SH3RF3: variants seen among roughly 807,000 people sequenced by gnomAD.
SH3RF3 encodes E3 ubiquitin-protein ligase SH3RF3.
SH3RF3 carries 29 observed loss-of-function variants against 66.3 expected under a neutral mutation model. That is an observed-to-expected ratio of 0.44 (90% CI 0.33 to 0.60). SH3RF3 has a LOEUF of 0.60. Ranked by LOEUF, SH3RF3 falls within the 20% of genes least tolerant of loss-of-function variation. SH3RF3 has a pLI of 0.04. For missense variants in SH3RF3, 1,194 were observed against 1,190.9 expected (o/e 1.00, Z -0.04); for synonymous variants, 583 against 532.0 (o/e 1.10, Z -1.32).
intron 1 of SH3RF3, among the ~76,000 whole-genome samples, chr2:109,166,043 C>T (rs17020547): frequency 6.6e-6 from 1 of 152,106 alleles, no homozygotes; most frequent in East Asian, 1.9e-4. Flanking sequence ...AGATACATAC[C>T]TTGGTGAGCC....
intron 3 of SH3RF3, among the ~76,000 whole-genome samples, chr2:109,380,750 C>A (rs142168701): frequency 1.3e-5 from 2 of 152,280 alleles, no homozygotes; most frequent in African/African-American, 4.8e-5. Context: ...TCTCACCCTG[C>A]CCACCTTAGC....
rs10646553 is a variant in SH3RF3, at chr2:109,249,519, T to TTCTTTCTTTCTTTCTTTCTTTC, written c.574-98154_574-98153insCTTTCTTTCTTTCTTTCTTTCT. ...TTTCTTTCTTTCTTTCATTCTTTCT[T>TTCTTTCTTTCTTTCTTTCTTTC]TTTCTTTCTTTCTTTCCTTCCTTCC... On this transcript the variant is annotated intron_variant, in intron 1 of 9. Transcript: ENST00000309415. 1.6e-4 allele frequency among the ~76,000 whole-genome samples: 10 copies of TTCTTTCTTTCTTTCTTTCTTTC among 61,936 alleles called. 1 individual carries two copies. Among genetic ancestry groups the TTCTTTCTTTCTTTCTTTCTTTC allele is most frequent in the East Asian group, 1.4e-3 (3 of 2,198 alleles). 40.6% of individuals were successfully genotyped at this position (61,936 alleles called of 152,430 possible).
chr2:109,433,873 T>A (rs1363739047), intron 6 of SH3RF3, among the ~76,000 whole-genome samples: 3 of 152,190 alleles, frequency 2.0e-5, no homozygotes, highest in African/African-American at 7.2e-5. Flanking sequence ...CAGAGGGGCT[T>A]CAGGAAATGC....
chr2:109,130,434 G>A (rs774966289), intron 1 of SH3RF3, among the ~76,000 whole-genome samples: 6 of 152,174 alleles, frequency 3.9e-5, no homozygotes, highest in Non-Finnish European at 8.8e-5. Context: ...CTAGAAACGG[G>A]GACCTTCTTC....
At chr2:109,428,282 T>C (rs1156607295) in intron 5 of SH3RF3, among the ~76,000 whole-genome samples, 1 of 152,276 alleles carries the variant, frequency 6.6e-6, no homozygotes, top group Non-Finnish European at 1.5e-5. Context: ...GCGAAGGCAC[T>C]AAAATACTTT....
chr2:109,313,161 T>A (rs1307900391), intron 1 of SH3RF3, among the ~76,000 whole-genome samples: 1 of 152,214 alleles, frequency 6.6e-6, no homozygotes, highest in Non-Finnish European at 1.5e-5. Context: ...GTGCATGGGC[T>A]GAGCTGGGAA....
At chr2:109,161,547 T>C (rs1677490501) in intron 1 of SH3RF3, among the ~76,000 whole-genome samples, 1 of 152,002 alleles carries the variant, frequency 6.6e-6, no homozygotes, top group Admixed American at 6.6e-5. Context: ...GTCTAGCACC[T>C]ACCTAAGTCT....
chr2:109,194,585 G>C (rs540278825), intron 1 of SH3RF3, among the ~76,000 whole-genome samples: 5 of 152,320 alleles, frequency 3.3e-5, no homozygotes, highest in South Asian at 2.1e-4. Context: ...CGGGCGGGCT[G>C]GGTAGGGAGG....
intron 1 of SH3RF3, among the ~76,000 whole-genome samples, chr2:109,311,888 T>TA (rs1178234837): frequency 6.6e-6 from 1 of 152,210 alleles, no homozygotes; most frequent in Non-Finnish European, 1.5e-5. Flanking sequence ...CTCGTTTTCT[T>TA]ACATCCACAT....
chr2:109,344,125 C>G (rs1207504315), intron 1 of SH3RF3, among the ~76,000 whole-genome samples: 1 of 152,208 alleles, frequency 6.6e-6, no homozygotes, highest in African/African-American at 2.4e-5. Context: ...TTTGAATTAA[C>G]AGCATATAGA....
intron 1 of SH3RF3, among the ~76,000 whole-genome samples, chr2:109,309,803 G>T (rs11123738): frequency 0.36 from 39,187 of 109,390 alleles, 11,448 homozygotes; most frequent in East Asian, 0.87. Context: ...ATCCTAAATA[G>T]ATATGCACCC....
chr2:109,432,727 T>C, intron 6 of SH3RF3, 56 bp downstream of exon 6: 1 of 1,559,110 alleles, frequency 6.4e-7, no homozygotes, highest in South Asian at 1.2e-5. Context: ...CTGCACGCCT[T>C]ACCGCTGTTG....
At chr2:109,464,326 A>G (rs1347779315) in intron 8 of SH3RF3, among the ~76,000 whole-genome samples, 1 of 152,250 alleles carries the variant, frequency 6.6e-6, no homozygotes, top group East Asian at 1.9e-4. Flanking sequence ...CTCACGTACA[A>G]TGTGAACACA....
At chr2:109,251,689 A>C (rs958253475) in intron 1 of SH3RF3, 17 of 1,057,738 alleles carry the variant, frequency 1.6e-5, no homozygotes, top group Middle Eastern at 6.1e-4. Flanking sequence ...TCCTCTCTTC[A>C]TAGGTTCTAT....
intron 5 of SH3RF3, among the ~76,000 whole-genome samples, chr2:109,423,299 T>C (rs540259304): frequency 6.6e-6 from 1 of 152,250 alleles, no homozygotes; most frequent in South Asian, 2.1e-4. Context: ...GATCTGGTGG[T>C]TGACACTGGT....
intron 8 of SH3RF3, among the ~76,000 whole-genome samples, chr2:109,486,007 G>A (rs1179365573): frequency 6.6e-6 from 1 of 152,244 alleles, no homozygotes; most frequent in Non-Finnish European, 1.5e-5. Context: ...GAATCAGTGT[G>A]TGCGCTCCAG....
intron 5 of SH3RF3, among the ~76,000 whole-genome samples, chr2:109,429,659 C>T (rs549736565): frequency 6.6e-6 from 1 of 152,260 alleles, no homozygotes; most frequent in African/African-American, 2.4e-5. Context: ...CCCCAGGCCG[C>T]GCTGACAGCT....
chr2:109,379,702 G>A (rs1259617228), intron 3 of SH3RF3, among the ~76,000 whole-genome samples: 2 of 152,144 alleles, frequency 1.3e-5, no homozygotes, highest in African/African-American at 4.8e-5. Context: ...CCTTAGTGTG[G>A]ATGCCAATCC....
At chr2:109,433,064 A>G (rs1044558849) in intron 6 of SH3RF3, among the ~76,000 whole-genome samples, 1 of 152,134 alleles carries the variant, frequency 6.6e-6, no homozygotes, top group Non-Finnish European at 1.5e-5. Context: ...GCTTGTGTGC[A>G]TGGTATTTGT....
Sources: gnomAD v4.1 joint callset for allele counts (sites outside exome capture counted in the v4.1 genomes callset) on GRCh38, gnomAD v4.1.1 for gene constraint, MANE v1.5 for transcripts, NCBI Gene and HGNC (gene_info 2026-07-23, HGNC 2026-07-21) for gene names.